Variants in PKD1 observed in about 807,000 individuals in gnomAD.
PKD1 encodes the protein polycystin 1, transient receptor potential channel interacting.
In PKD1, 81 loss-of-function variants were observed where a neutral mutation model predicts 361.7. The ratio of observed to expected loss-of-function variants is 0.22; its 90% CI spans 0.19 to 0.27. The LOEUF (loss-of-function observed/expected upper bound fraction) is 0.27, where lower values mean the gene tolerates loss of function less well. Ranked by LOEUF, PKD1 falls within the 10% of genes least tolerant of loss-of-function variation. The pLI is 1.00. For synonymous variants in PKD1, 3,615 were observed against 2,818.3 expected (o/e 1.28, Z -8.95); for missense variants, 6,399 against 6,118.3 (o/e 1.05, Z -1.53).
rs1303196644 is a variant in PKD1, at chr16:2,097,186, G to T, written c.10461C>A (p.Thr3487=). Residue 3487 remains threonine (T), a synonymous_variant, in exon 34 of 46, where the codon ACC becomes ACA. Coordinates refer to ENST00000262304, the MANE Select transcript of PKD1 (RefSeq NM_001009944.3). ...LAEGVSSPAP[T]QDTHMETDLL... ...GGTCCGTTTCCATGTGGGTGTCTTG[G>T]GTAGGGGCTGGGCTGCTGACCCCCT... is the stretch of plus-strand genomic sequence containing the variant. 4 of 1,559,898 alleles carry T rather than the reference G, an allele frequency of 2.6e-6. No individual in the cohort carries two copies. In the East Asian group the frequency reaches 9.6e-5, roughly 37 times the overall value.
At position 2,100,772 on chromosome 16, in the gene PKD1, A is replaced by G; in HGVS notation, c.9398-206T>C. 1.7e-6 allele frequency: 1 copy of G among 597,180 alleles called. No homozygotes were observed. 37.0% of individuals were successfully genotyped at this position (597,180 alleles called of 1,614,324 possible). A position where few individuals can be genotyped will look rare whatever the true frequency, so the allele number is the denominator to read the frequency against. ...AGGACCTCAAGGACATGATTAAGTT[A>G]CATGGAAAGAACTGTAACTTGTGAC... On this transcript the variant is annotated intron_variant, in intron 26 of 45. Coordinates refer to ENST00000262304, the MANE Select transcript of PKD1 (RefSeq NM_001009944.3). This position sits in a 1 kb window ranked among gnomAD's most constrained non-coding sequence, Gnocchi z 4.4.
intron 34 of PKD1, chr16:2,094,827 G>A (rs538375526): frequency 6.5e-6 from 1 of 154,240 alleles, no homozygotes; most frequent in South Asian, 2.0e-4. Context: ...GACACGTTGA[G>A]GGGGAGGACG....
In PKD1 at chr16:2,118,242, G is replaced by A; in HGVS notation, c.750C>T (p.Gly250=). Residue 250 remains glycine, a synonymous_variant, in exon 5 of 46, where the codon GGC becomes GGT. Transcript: ENST00000262304. The surrounding 1 kb of genome is among the most constrained non-coding windows in gnomAD (Gnocchi z 6.0). The stretch of plus-strand genomic sequence containing the variant: ...AGGTGGGGGCAGGAGGTGGCGGGGG[G>A]CCGGAGCAGAGGGACAGGCAGGCAA... ...ASFACLSLCS[G]PPPPPAPTCR... The A allele has an allele frequency of 2.0e-6, 3 of 1,530,348 alleles. No homozygotes were observed. The highest frequency in any genetic ancestry group is 2.6e-6 in the Non-Finnish European group (3 of 1,141,660). 94.8% of individuals were successfully genotyped at this position (1,530,348 alleles called of 1,614,324 possible).
chr16:2,091,232 G>GGGGGCGGGACGCTGCC (rs1344503206), intron 42 of PKD1, 58 bp from the exon 43 acceptor site: 1 of 815,890 alleles, frequency 1.2e-6, no homozygotes, highest in African/African-American at 2.1e-5. Flanking sequence ...GGCCCTGCGA[G>GGGGGCGGGACGCTGCC]GGGGCGGGAC....
Position 2,090,125 on chromosome 16 carries a change from A to G in PKD1, c.12514T>C (p.Ser4172Pro), listed in dbSNP as rs746361798. Residue 4172 changes from serine (S) to proline (P), a missense_variant, in exon 46 of 46, where the codon TCC becomes CCC. Ser to Pro is a moderately conservative substitution (Grantham distance 74). Coordinates refer to ENST00000262304, the MANE Select transcript of PKD1 (RefSeq NM_001009944.3). ...GCGCTGGGTGGGGGCACATCCGGGG[A>G]TACCTTGGAGCCCCTGGAGGAGCGA... is the stretch of plus-strand genomic sequence containing the variant. Reference protein sequence around the residue: ...PSRSSRGSKVSPDVPPPSAGS... With the variant: ...PSRSSRGSKVPPDVPPPSAGS... 1.3e-6 allele frequency: 2 copies of G among 1,599,362 alleles called. No homozygotes were observed. Among genetic ancestry groups the G allele is most frequent in the East Asian group, 2.2e-5 (1 of 44,634 alleles).
Position 2,103,471 on chromosome 16 carries a change from G to A in PKD1, c.8586C>T (p.Pro2862=). The stretch of plus-strand genomic sequence containing the variant: ...CGCGCTCTGAGGCCAGCCGCTCGAT[G>A]GGGATCTGGGCGCCGGCCTGTGTCT... The part of the protein sequence containing the change: ...AFQTQAGAQI[P]IERLASERAI... Residue 2862 remains proline (P), a synonymous_variant, in exon 23 of 46, where the codon CCC becomes CCT. Transcript: ENST00000262304. 7 of 1,601,060 alleles carry A rather than the reference G, an allele frequency of 4.4e-6. No individual in the cohort carries two copies. Among genetic ancestry groups the A allele is most frequent in the Non-Finnish European group, 5.1e-6 (6 of 1,179,628 alleles).
intron 16 of PKD1, chr16:2,107,154 T>C (rs879036782): frequency 1.6e-6 from 1 of 639,552 alleles, no homozygotes; most frequent in Non-Finnish European, 2.9e-6. Flanking sequence ...CAGAGGACAC[T>C]GGAGTGTGCG....
At chr16:2,132,687 C>G (rs1421694751) in intron 1 of PKD1, among the ~76,000 whole-genome samples, 1 of 151,592 alleles carries the variant, frequency 6.6e-6, no homozygotes, top group African/African-American at 2.4e-5. Context: ...ACCAGGCCTT[C>G]GGTGGCATGA....
intron 16 of PKD1, chr16:2,107,254 ATG>A: frequency 2.2e-6 from 1 of 450,198 alleles, no homozygotes; most frequent in Non-Finnish European, 4.2e-6. Flanking sequence ...GAAGAGACGT[ATG>A]TGTGGGTGTG....
rs773951174 is a variant in PKD1 at position 2,094,098 on chromosome 16, T to C, written c.10612A>G (p.Arg3538Gly). The C allele has an allele frequency of 6.3e-7, 1 of 1,591,868 alleles. No individual in the cohort carries two copies. The highest frequency in any genetic ancestry group is 8.6e-7 in the Non-Finnish European group (1 of 1,168,270). ...CGGGGCTACGCAAGCACACCTGTCC[T>C]GGACAGCCTCGCTGCCTGGGGCTGT... ...WEQPQAARLSRTGLVEGLRKR... is the reference protein window; with the variant it reads ...WEQPQAARLSGTGLVEGLRKR... Residue 3538 changes from arginine to glycine, a missense_variant, in exon 35 of 46, where the codon AGG becomes GGG. By Grantham distance (125) the Arg-to-Gly change is moderately radical. Transcript: ENST00000262304.
At position 2,102,525 on chromosome 16, in the gene PKD1, G is replaced by T; in HGVS notation, c.9057C>A (p.Ser3019Arg). 6.2e-7 allele frequency: 1 copy of T among 1,607,210 alleles called. No homozygotes were observed. Among genetic ancestry groups the T allele is most frequent in the Non-Finnish European group, 8.5e-7 (1 of 1,178,206 alleles). Residue 3019 changes from serine to arginine, a missense_variant, in exon 25 of 46, where the codon AGC becomes AGA. By Grantham distance (110) the Ser-to-Arg change is moderately radical (BLOSUM62 -1). Transcript: ENST00000262304. ...CTGTCCGCCACACCATGTCCTCCTC[G>T]CTGAAGTACTGGCACAGGGACGTGT... ...GLYTSLCQYFSEEDMVWRTEG... is the reference protein window; with the variant it reads ...GLYTSLCQYFREEDMVWRTEG...
Position 2,118,195 on chromosome 16 carries a change from TGGA to T in PKD1, c.794_796del (p.Leu265del). The T allele has an allele frequency of 6.5e-7, 1 of 1,543,688 alleles. No homozygotes were observed. Among genetic ancestry groups the T allele is most frequent in the East Asian group, 2.4e-5 (1 of 41,224 alleles). On this transcript the variant is annotated inframe_deletion, in exon 5 of 46. Coordinates refer to ENST00000262304, the MANE Select transcript of PKD1 (RefSeq NM_001009944.3). This position sits in a 1 kb window ranked among gnomAD's most constrained non-coding sequence, Gnocchi z 6.0. Reference sequence around the variant, plus strand: ...CCCTGGGGAGGCAGGGAAGACGTGCTGGAGGAGGGTGGGGCCCCTACAGGTGGG... The same window carrying T: ...CCCTGGGGAGGCAGGGAAGACGTGCTGGAGGGTGGGGCCCCTACAGGTGGG...
rs2091342477 is a variant in PKD1 at position 2,089,407 on chromosome 16, G to GA, written c.*319dup. The stretch of plus-strand genomic sequence containing the variant: ...GAAGCCAGCAGCCTTAGCAGTGGGG[G>GA]ACATCTGCCCAGGGGGTGGGGCCGG... On this transcript the variant is annotated 3_prime_UTR_variant, in exon 46 of 46. Coordinates refer to ENST00000262304, the MANE Select transcript of PKD1 (RefSeq NM_001009944.3). The GA allele has an allele frequency of 4.4e-6, 2 of 450,336 alleles. No homozygotes were observed. Among genetic ancestry groups the GA allele is most frequent in the Non-Finnish European group, 8.1e-6 (2 of 247,478 alleles). 27.9% of individuals were successfully genotyped at this position (450,336 alleles called of 1,614,324 possible).
At position 2,102,389 on chromosome 16, in the gene PKD1, C is replaced by T. The variant is rs1004725342; in HGVS notation, c.9193G>A (p.Val3065Met). 3 of 1,557,702 alleles carry T rather than the reference C, an allele frequency of 1.9e-6. No homozygotes were observed. The highest frequency in any genetic ancestry group is 4.8e-5 in the East Asian group (2 of 41,922). The stretch of plus-strand genomic sequence containing the variant: ...AGCACAGGGTCACTCACAGGAAACA[C>T]AAAGCGGACATGGCTTGGGGGCACG... The part of the protein sequence containing the change: ...LFVPPSHVRF[V>M]FPEPTADVNY... The change falls in exon 25 of 46, where the codon GTG (valine) becomes ATG (methionine). Residue 3065 changes from valine (V) to methionine (M), a missense_variant. By Grantham distance (21) the Val-to-Met change is conservative. Transcript: ENST00000262304.
At chr16:2,115,353 A>C (rs1184158080) in intron 10 of PKD1, 25 bp downstream of exon 10, 4 of 1,483,448 alleles carry the variant, frequency 2.7e-6, no homozygotes, top group Non-Finnish European at 3.7e-6. Flanking sequence ...GATGCAGGGA[A>C]CAGACCCAGG....
intron 1 of PKD1, among the ~76,000 whole-genome samples, chr16:2,131,240 G>A (rs1480543603): frequency 2.0e-5 from 3 of 152,144 alleles, no homozygotes; most frequent in East Asian, 1.9e-4. Flanking sequence ...AAAGACAGGC[G>A]GTGGCTCAAG....
intron 1 of PKD1, among the ~76,000 whole-genome samples, chr16:2,128,473 G>T (rs1040256669): frequency 1.2e-4 from 18 of 151,948 alleles, no homozygotes; most frequent in Non-Finnish European, 2.4e-4. Context: ...CTATAAACCA[G>T]GGCACTAGTG....
chr16:2,120,084 C>T, intron 1 of PKD1: 1 of 577,484 alleles, frequency 1.7e-6, no homozygotes. Flanking sequence ...GCGGCATGCG[C>T]CTGGGGTCCC....
intron 21 of PKD1, 119 bp downstream of exon 21, chr16:2,105,203 A>T (rs1189968964): frequency 3.2e-6 from 3 of 939,848 alleles, no homozygotes; most frequent in Non-Finnish European, 4.9e-6. Flanking sequence ...ACGCCATGGC[A>T]GGAAGGAGCC....
Sources: gnomAD v4.1 joint callset for allele counts (sites outside exome capture counted in the v4.1 genomes callset) on GRCh38, gnomAD v4.1.1 for gene constraint, Gnocchi (gnomAD v3.1) non-coding constraint, MANE v1.5 for transcripts, NCBI Gene and HGNC (gene_info 2026-07-23, HGNC 2026-07-21) for gene names.